The following TTC6 variants were observed in gnomAD, a reference collection of about 807,000 sequenced individuals.
The protein encoded by TTC6 is tetratricopeptide repeat protein 6.
A neutral mutation model predicts 210.4 loss-of-function variants in TTC6; 172 were observed. The observed-to-expected ratio is 0.82, with a 90% CI of 0.72 to 0.93. The LOEUF (loss-of-function observed/expected upper bound fraction) is 0.93, where lower values mean the gene tolerates loss of function less well. Ranked by LOEUF, TTC6 falls within the 40% of genes least tolerant of loss-of-function variation. The pLI is 0.00. For missense variants in TTC6, 2,414 were observed against 2,318.1 expected, an observed-to-expected ratio of 1.04 and a Z score of -0.85; for synonymous variants, 804 against 819.6, an observed-to-expected ratio of 0.98 and a Z score of 0.32.
intron 17 of TTC6, among the ~76,000 whole-genome samples, chr14:37,793,999 C>G (rs1165404121): frequency 1.3e-5 from 2 of 152,122 alleles, no homozygotes; most frequent in African/African-American, 4.8e-5. Context: ...AGAATATATA[C>G]TCCCATTATG....
chr14:37,702,506 C>G (rs538774575), intron 5 of TTC6, among the ~76,000 whole-genome samples: 122 of 152,288 alleles, frequency 8.0e-4, no homozygotes, highest in African/African-American at 2.6e-3. Flanking sequence ...GGGATATCAC[C>G]TGCCCATTGA....
chr14:37,804,544 C>T (rs963829027), intron 20 of TTC6, 136 bp from the exon 23 acceptor site: 24 of 1,173,396 alleles, frequency 2.0e-5, no homozygotes, highest in Non-Finnish European at 2.7e-5. Flanking sequence ...GTAACTTCAC[C>T]AGGTCTGTTT....
At chr14:37,663,649 AG>A (rs1291479482) in intron 1 of TTC6, among the ~76,000 whole-genome samples, 11 of 152,194 alleles carry the variant, frequency 7.2e-5, no homozygotes. Context: ...GTTGTGTCAC[AG>A]TTGGCTGTCT....
chr14:37,616,628 C>T (rs754082607), intron 2 of TTC6, among the ~76,000 whole-genome samples: 9 of 151,474 alleles, frequency 5.9e-5, no homozygotes, highest in Admixed American at 2.6e-4. Flanking sequence ...ACCCGGGAGA[C>T]GGAGCTTGCG....
In TTC6 at chr14:37,696,703, A is replaced by T; in HGVS notation, c.1258-14A>T. The T allele has an allele frequency of 7.4e-7, 1 of 1,354,770 alleles. No homozygotes were observed. The highest frequency in any genetic ancestry group is 9.8e-7 in the Non-Finnish European group (1 of 1,025,478). The allele number at this position is 1,354,770 out of a possible 1,614,324, so 83.9% of individuals were successfully genotyped here. A position where few individuals can be genotyped will look rare whatever the true frequency, so the allele number is the denominator to read the frequency against. On this transcript the variant is annotated splice_polypyrimidine_tract_variant and intron_variant, in intron 3 of 30. Transcript: ENST00000553443. ...ACATCTTCTCTTAACAGCACACTTTATATTTTCTTAAAGGCAAAATCACCA... is the reference window on the plus strand; with the variant it reads ...ACATCTTCTCTTAACAGCACACTTTTTATTTTCTTAAAGGCAAAATCACCA...
rs1022266971 is a variant in TTC6, at chr14:37,736,047, C to T, written c.1908+37C>T. 10 of 1,050,604 alleles carry T rather than the reference C, an allele frequency of 9.5e-6. No individual in the cohort carries two copies. In the African/African-American group the frequency reaches 1.3e-4, roughly 13 times the overall value. The allele number at this position is 1,050,604 out of a possible 1,614,324, so 65.1% of individuals were successfully genotyped here. Reference sequence around the variant, plus strand: ...TTTTGTTCTTAATTAGGATTGTTTACTCTATCTGCCTACAGTCCAGATATT... The same window carrying T: ...TTTTGTTCTTAATTAGGATTGTTTATTCTATCTGCCTACAGTCCAGATATT... On this transcript the variant is annotated intron_variant, in intron 8 of 30. Coordinates refer to ENST00000553443, the Ensembl canonical transcript of TTC6.
intron 10 of TTC6, among the ~76,000 whole-genome samples, chr14:37,741,138 T>C (rs981611755): frequency 6.6e-6 from 1 of 152,154 alleles, no homozygotes; most frequent in Non-Finnish European, 1.5e-5. Flanking sequence ...TAGTACAGCT[T>C]TCCTACCTTT....
intron 1 of TTC6, among the ~76,000 whole-genome samples, chr14:37,661,744 C>A: frequency 6.6e-6 from 1 of 152,212 alleles, no homozygotes. Context: ...AGCATTAAAT[C>A]TATAAATTAC....
chr14:37,610,503 C>T lies in TTC6; in HGVS notation c.-155+3761C>T, dbSNP rs145834694. 3.3e-5 allele frequency among the ~76,000 whole-genome samples: 5 copies of T among 152,266 alleles called. No homozygotes were observed. The East Asian group carries it at 7.7e-4, about 24-fold the overall frequency. On this transcript the variant is annotated intron_variant, in intron 2 of 2. Coordinates refer to the TTC6 transcript ENST00000556845. Reference sequence around the variant, plus strand: ...ACTGAGCAAAGCACATTCATCTACACTATATTATCTAATTGGTTTTTCTTT... The same window carrying T: ...ACTGAGCAAAGCACATTCATCTACATTATATTATCTAATTGGTTTTTCTTT...
At chr14:37,732,973 AG>A (rs764981850) in intron 7 of TTC6, among the ~76,000 whole-genome samples, 66 of 152,276 alleles carry the variant, frequency 4.3e-4, no homozygotes, top group Non-Finnish European at 7.4e-4. Flanking sequence ...TTGCTGTTAC[AG>A]GGGTGGCAGA....
chr14:37,753,041 T>G, intron 13 of TTC6, 58 bp from the exon 16 acceptor site: 1 of 1,377,440 alleles, frequency 7.3e-7, no homozygotes, highest in South Asian at 1.4e-5. Context: ...CTTATGTGAT[T>G]ATATACTTCA....
At chr14:37,824,713 T>C (rs1450624905) in intron 27 of TTC6, among the ~76,000 whole-genome samples, 1 of 152,142 alleles carries the variant, frequency 6.6e-6, no homozygotes, top group East Asian at 1.9e-4. Flanking sequence ...AAAAATAACC[T>C]AGCTTTGTTT....
At chr14:37,603,793 G>C (rs2095620142) in intron 1 of TTC6, among the ~76,000 whole-genome samples, 2 of 152,132 alleles carry the variant, frequency 1.3e-5, no homozygotes, top group Non-Finnish European at 2.9e-5. Flanking sequence ...AACTCCATTG[G>C]GGGCGTATTC....
chr14:37,635,384 T>C (rs1285722718), intron 1 of TTC6, among the ~76,000 whole-genome samples: 1 of 152,010 alleles, frequency 6.6e-6, no homozygotes, highest in Non-Finnish European at 1.5e-5. Flanking sequence ...TTGTTACCCA[T>C]AGGAAGGCAG....
intron 7 of TTC6, among the ~76,000 whole-genome samples, chr14:37,728,619 A>G (rs562380552): frequency 3.2e-4 from 48 of 152,164 alleles, no homozygotes; most frequent in African/African-American, 1.2e-3. Flanking sequence ...TTTTAGGTTA[A>G]TACTTCTTAT....
chr14:37,826,926 G>A (rs889489146), intron 28 of TTC6, among the ~76,000 whole-genome samples: 2 of 152,064 alleles, frequency 1.3e-5, no homozygotes, highest in Admixed American at 6.6e-5. Flanking sequence ...AAACAGATAA[G>A]CTTTTCCACT....
intron 2 of TTC6, among the ~76,000 whole-genome samples, chr14:37,607,060 A>G (rs753407845): frequency 6.6e-6 from 1 of 152,214 alleles, no homozygotes; most frequent in African/African-American, 2.4e-5. Context: ...TTGCATATCT[A>G]CCTTTAGAAA....
At chr14:37,617,634 C>CT (rs546968926), upstream of TTC6, among the ~76,000 whole-genome samples, 12 of 151,774 alleles carry the variant, frequency 7.9e-5, no homozygotes, top group South Asian at 1.0e-3. Context: ...TCTTTTGAGG[C>CT]TTTTTTTTGG....
intron 18 of TTC6, among the ~76,000 whole-genome samples, chr14:37,795,783 G>A (rs1215599003): frequency 6.6e-6 from 1 of 152,098 alleles, no homozygotes; most frequent in Admixed American, 6.6e-5. Flanking sequence ...TACAGGTACT[G>A]CCTACTTCCA....
Sources: gnomAD v4.1 joint callset for allele counts (sites outside exome capture counted in the v4.1 genomes callset) on GRCh38, gnomAD v4.1.1 for gene constraint, MANE v1.5 for transcripts, NCBI Gene and HGNC (gene_info 2026-07-23, HGNC 2026-07-21) for gene names.